The following SEMA6D variants were observed in gnomAD, a reference collection of about 807,000 sequenced individuals.
SEMA6D encodes the protein semaphorin 6D.
In SEMA6D, 35 loss-of-function variants were observed where a neutral mutation model predicts 106.6. The ratio of observed to expected loss-of-function variants is 0.33; its 90% CI spans 0.25 to 0.44. SEMA6D has a LOEUF of 0.44. SEMA6D is among the 20% of genes least tolerant of loss of function. The probability of loss-of-function intolerance (pLI) is 1.00; values close to 1 mark genes in which losing one functional copy is unlikely to be tolerated. For synonymous variants in SEMA6D, 499 were observed against 487.7 expected (o/e 1.02, Z -0.31); for missense variants, 1,185 against 1,345.9 (o/e 0.88, Z 1.87).
intron 4 of SEMA6D, among the ~76,000 whole-genome samples, chr15:47,663,726 G>A (rs2077972925): frequency 6.6e-6 from 1 of 152,156 alleles, no homozygotes; most frequent in Admixed American, 6.5e-5. Flanking sequence ...AGAGTTGCTA[G>A]AAATTCCAAG....
rs377750537 is a variant in SEMA6D, at chr15:47,568,649, A to G, written c.-86-32216A>G. 2.0e-4 allele frequency among the ~76,000 whole-genome samples: 30 copies of G among 152,280 alleles called. No individual in the cohort carries two copies. The South Asian group carries it at 6.0e-3, about 31-fold the overall frequency. On this transcript the variant is annotated intron_variant, in intron 3 of 19. Transcript: ENST00000558014. Reference sequence around the variant, plus strand: ...TAATCATTCATTTCTGGTGATGAGCATATAAGTATTTATTATGTGTCCTCA... The same window carrying G: ...TAATCATTCATTTCTGGTGATGAGCGTATAAGTATTTATTATGTGTCCTCA...
exon 1 of SEMA6D, chr15:47,184,179 A>G (rs1406671881): frequency 6.5e-6 from 1 of 152,720 alleles, no homozygotes; most frequent in Non-Finnish European, 1.5e-5. Context: ...GGAGCGGACG[A>G]ACCCGGAGAA....
chr15:47,616,480 T>C (rs534012709), intron 4 of SEMA6D, among the ~76,000 whole-genome samples: 1 of 152,012 alleles, frequency 6.6e-6, no homozygotes, highest in East Asian at 1.9e-4. Flanking sequence ...TAAAAATCTC[T>C]ATTTTCAGTG....
At chr15:47,583,737 T>G (rs1033680543) in intron 3 of SEMA6D, among the ~76,000 whole-genome samples, 7 of 152,150 alleles carry the variant, frequency 4.6e-5, no homozygotes, top group Non-Finnish European at 1.0e-4. Context: ...CCAGGACATG[T>G]GGCCAAGATG....
At chr15:47,716,847 T>C (rs2079127959), upstream of SEMA6D, among the ~76,000 whole-genome samples, 1 of 150,004 alleles carries the variant, frequency 6.7e-6, no homozygotes, top group South Asian at 2.1e-4. Flanking sequence ...AGTAGGCAAT[T>C]TCTGTATTTT....
chr15:47,524,771 C>T (rs1004176792), intron 3 of SEMA6D, among the ~76,000 whole-genome samples: 1 of 152,182 alleles, frequency 6.6e-6, no homozygotes, highest in African/African-American at 2.4e-5. Context: ...TGGGTTCAGG[C>T]TACTGAAGTA....
At chr15:47,625,156 C>A (rs1412968984) in intron 4 of SEMA6D, among the ~76,000 whole-genome samples, 1 of 152,008 alleles carries the variant, frequency 6.6e-6, no homozygotes, top group African/African-American at 2.4e-5. Context: ...TCACTTTTCT[C>A]CCAAAGATTT....
At chr15:47,487,488 G>A (rs1175914095) in intron 3 of SEMA6D, among the ~76,000 whole-genome samples, 1 of 152,182 alleles carries the variant, frequency 6.6e-6, no homozygotes, top group Non-Finnish European at 1.5e-5. Flanking sequence ...ATGAGACTGT[G>A]TATGCATATG....
intron 3 of SEMA6D, among the ~76,000 whole-genome samples, chr15:47,505,638 T>C (rs1157879309): frequency 1.3e-5 from 2 of 152,160 alleles, no homozygotes; most frequent in Admixed American, 1.3e-4. Flanking sequence ...TCAGAATATC[T>C]AATTGACTCT....
intron 1 of SEMA6D, among the ~76,000 whole-genome samples, chr15:47,321,676 A>G (rs2036930539): frequency 6.6e-6 from 1 of 152,236 alleles, no homozygotes; most frequent in Non-Finnish European, 1.5e-5. Context: ...ATAAGGAGAT[A>G]TAAGCATGTA....
chr15:47,190,178 C>G (rs1893865725), intron 1 of SEMA6D, among the ~76,000 whole-genome samples: 1 of 152,162 alleles, frequency 6.6e-6, no homozygotes, highest in Non-Finnish European at 1.5e-5. Context: ...GAGAATTTGT[C>G]TTCAAATGAC....
intron 1 of SEMA6D, among the ~76,000 whole-genome samples, chr15:47,316,894 C>T (rs1193173775): frequency 6.6e-6 from 1 of 152,046 alleles, no homozygotes; most frequent in Non-Finnish European, 1.5e-5. Flanking sequence ...GTAACATCTT[C>T]GGTTTGGGGA....
At chr15:47,570,518 T>G (rs1291628233) in intron 3 of SEMA6D, among the ~76,000 whole-genome samples, 1 of 152,242 alleles carries the variant, frequency 6.6e-6, no homozygotes, top group Admixed American at 6.5e-5. Context: ...GAAAAAGAAG[T>G]AAAGTGTTTA....
Position 47,764,680 on chromosome 15 carries a change from A to G in SEMA6D, c.1140A>G (p.Lys380=). The G allele has an allele frequency of 6.2e-7, 1 of 1,614,028 alleles. No individual in the cohort carries two copies. The highest frequency in any genetic ancestry group is 1.3e-5 in the African/African-American group (1 of 75,040). Residue 380 remains lysine (K), a synonymous_variant, in exon 12 of 19, where the codon AAA becomes AAG. Coordinates refer to ENST00000536845, the MANE Select transcript of SEMA6D (RefSeq NM_001358351.3). ...AACACGGCCTTGCCGAAGCTTATAA[A>G]ACCTCCATCGATTTCCCGGATGAAA... ...CAKHGLAEAY[K]TSIDFPDETL...
intron 2 of SEMA6D, among the ~76,000 whole-genome samples, chr15:47,424,489 T>C (rs2041269606): frequency 6.6e-6 from 1 of 152,158 alleles, no homozygotes; most frequent in South Asian, 2.1e-4. Flanking sequence ...AATTAGAGCC[T>C]ATCGGTTTGT....
chr15:47,681,010 T>C (rs1365235065), intron 4 of SEMA6D, among the ~76,000 whole-genome samples: 3 of 152,208 alleles, frequency 2.0e-5, no homozygotes, highest in Non-Finnish European at 4.4e-5. Flanking sequence ...GTTGCCGCTA[T>C]GGAAAACAGT....
chr15:47,681,993 A>G lies in SEMA6D; in HGVS notation c.-54-77752A>G, dbSNP rs560232566. 7.9e-5 allele frequency among the ~76,000 whole-genome samples: 12 copies of G among 152,270 alleles called. No individual in the cohort carries two copies. The East Asian group carries it at 1.5e-3, about 20-fold the overall frequency. On this transcript the variant is annotated intron_variant, in intron 4 of 19. Transcript: ENST00000558014. ...GTCTAGTTGTTTCAAATAATATTCA[A>G]TTTTTATAAAAGCCAAGTTTTAGCT...
intron 11 of SEMA6D, 150 bp downstream of exon 11, chr15:47,764,455 G>A: frequency 8.0e-7 from 1 of 1,249,236 alleles, no homozygotes; most frequent in Non-Finnish European, 1.1e-6. Flanking sequence ...CTTGTGACCT[G>A]CAAGCCCATG....
rs147062298 is a variant in SEMA6D at position 47,254,771 on chromosome 15, T to G, written c.-239+70353T>G. Among the ~76,000 whole-genome samples the G allele has an allele frequency of 6.6e-5, 10 of 152,246 alleles. No homozygotes were observed. The East Asian group carries it at 1.9e-3, about 29-fold the overall frequency. ...TTGCATCTCTGGGATGAATCCCACT[T>G]GGCTATGGTGAATAATCTTTTTAAT... On this transcript the variant is annotated intron_variant, in intron 1 of 19. Transcript: ENST00000558014.
Sources: allele counts gnomAD v4.1 joint callset (sites outside exome capture counted in the v4.1 genomes callset), GRCh38; gene constraint gnomAD v4.1.1; transcripts MANE v1.5; gene names NCBI Gene and HGNC (gene_info 2026-07-23, HGNC 2026-07-21).